Variants in CLUL1 observed in about 807,000 individuals in gnomAD.
CLUL1 encodes the protein clusterin-like protein 1.
In CLUL1, 43 loss-of-function variants were observed where a neutral mutation model predicts 49.4. That is an observed-to-expected ratio of 0.87 (90% CI 0.68 to 1.12). The LOEUF (loss-of-function observed/expected upper bound fraction) is 1.12, where lower values mean the gene tolerates loss of function less well. Ranked by LOEUF, CLUL1 falls within the 50% of genes most tolerant of loss-of-function variation. The probability of loss-of-function intolerance (pLI) is 0.00; values close to 1 mark genes in which losing one functional copy is unlikely to be tolerated. For missense variants in CLUL1, 486 were observed against 544.4 expected, an observed-to-expected ratio of 0.89 and a Z score of 1.07; for synonymous variants, 192 against 184.9, an observed-to-expected ratio of 1.04 and a Z score of -0.31.
At chr18:597,354 AT>A (rs927259488) in intron 1 of CLUL1, among the ~76,000 whole-genome samples, 1 of 152,194 alleles carries the variant, frequency 6.6e-6, no homozygotes, top group Non-Finnish European at 1.5e-5. Flanking sequence ...GGCTGTTCCA[AT>A]ACGTTTATTC....
chr18:602,625 T>A (rs150505439), intron 1 of CLUL1, among the ~76,000 whole-genome samples: 2 of 152,084 alleles, frequency 1.3e-5, no homozygotes, highest in Non-Finnish European at 2.9e-5. Context: ...CCTGATTCAA[T>A]AGGAAAATAA....
chr18:644,622 C>G (rs1386400037), intron 8 of CLUL1, among the ~76,000 whole-genome samples: 2 of 152,198 alleles, frequency 1.3e-5, no homozygotes, highest in Non-Finnish European at 2.9e-5. Context: ...CTCATCTATT[C>G]TCTTTTTCTG....
rs3221054 is a variant in CLUL1, at chr18:625,518, A to AACACACACAC, written c.423+519_423+528dup. ...TCAACATGCTTGCCTCCTTATGCAT[A>AACACACACAC]ACACACACACACACACACACACACA... On this transcript the variant is annotated intron_variant, in intron 5 of 9. Transcript: ENST00000692774. Among the ~76,000 whole-genome samples, 758 of 144,700 alleles carry AACACACACAC rather than the reference A, an allele frequency of 5.2e-3. 4 individuals are homozygous for AACACACACAC. Among genetic ancestry groups the AACACACACAC allele is most frequent in the African/African-American group, 0.012 (482 of 38,786 alleles). The allele number at this position is 144,700 out of a possible 152,430, so 94.9% of individuals were successfully genotyped here. A position where few individuals can be genotyped will look rare whatever the true frequency, so the allele number is the denominator to read the frequency against.
At chr18:622,330 G>A (rs2073513116) in intron 4 of CLUL1, among the ~76,000 whole-genome samples, 4 of 152,152 alleles carry the variant, frequency 2.6e-5, no homozygotes, top group Admixed American at 2.6e-4. Flanking sequence ...TTATTTGTAT[G>A]TGTTTTTAAT....
rs1358894117 is a variant in CLUL1, at chr18:606,276, C to T, written c.-135-702C>T. ...GGACGGCCACAGTCCCTCAATCCCC[C>T]TTTTCCAAGATGTGCACAGCCTGAC... On this transcript the variant is annotated intron_variant, in intron 1 of 9. Coordinates refer to ENST00000692774, the MANE Select transcript of CLUL1 (RefSeq NM_001393344.1). The surrounding 1 kb of genome is among the most constrained non-coding windows in gnomAD (Gnocchi z 4.1). Among the ~76,000 whole-genome samples, 1 of 152,132 alleles carries T rather than the reference C, an allele frequency of 6.6e-6. No homozygotes were observed. The highest frequency in any genetic ancestry group is 1.5e-5 in the Non-Finnish European group (1 of 68,014).
intron 8 of CLUL1, among the ~76,000 whole-genome samples, chr18:642,370 T>TG (rs1387616687): frequency 6.6e-6 from 1 of 152,134 alleles, no homozygotes; most frequent in African/African-American, 2.4e-5. Context: ...AGGCAGAGGT[T>TG]GCAGTGAGCT....
chr18:643,382 T>C (rs1014612746), intron 8 of CLUL1, among the ~76,000 whole-genome samples: 1 of 152,238 alleles, frequency 6.6e-6, no homozygotes, highest in Non-Finnish European at 1.5e-5. Context: ...CTCTATTAGA[T>C]TACACTTGAG....
At chr18:638,050 G>A (rs2074207340) in intron 7 of CLUL1, among the ~76,000 whole-genome samples, 1 of 152,026 alleles carries the variant, frequency 6.6e-6, no homozygotes, top group African/African-American at 2.4e-5. Flanking sequence ...CTGCTGACTC[G>A]AGGACTCTCT....
At chr18:643,381 A>G (rs2074394854) in intron 8 of CLUL1, among the ~76,000 whole-genome samples, 1 of 152,238 alleles carries the variant, frequency 6.6e-6, no homozygotes, top group South Asian at 2.1e-4. Flanking sequence ...ACTCTATTAG[A>G]TTACACTTGA....
intron 9 of CLUL1, among the ~76,000 whole-genome samples, chr18:648,967 T>C (rs2074596911): frequency 6.6e-6 from 1 of 152,202 alleles, no homozygotes; most frequent in African/African-American, 2.4e-5. Context: ...GGCATTTCAA[T>C]TTTTAAAATC....
intron 2 of CLUL1, among the ~76,000 whole-genome samples, chr18:613,787 C>T (rs980801414): frequency 1.3e-5 from 2 of 152,138 alleles, no homozygotes; most frequent in African/African-American, 2.4e-5. Context: ...TATTGGTCTA[C>T]CTTCCAATGA....
In CLUL1 at chr18:627,334, ACAG is replaced by A; in HGVS notation, c.662_664del (p.Thr221_Asp222delinsAsn). The A allele has an allele frequency of 1.2e-6, 2 of 1,614,124 alleles. No homozygotes were observed. The highest frequency in any genetic ancestry group is 1.7e-6 in the Non-Finnish European group (2 of 1,180,004). ...TTTTCAATCACATTTCATATCAGAT[ACAG>A]ACCTAACTGAGCCTTACTTTTTTCC... On this transcript the variant is annotated inframe_deletion, in exon 6 of 10. Coordinates refer to ENST00000692774, the MANE Select transcript of CLUL1 (RefSeq NM_001393344.1).
chr18:612,978 G>T (rs533450726), intron 2 of CLUL1: 1 of 263,112 alleles, frequency 3.8e-6, no homozygotes, highest in Non-Finnish European at 7.1e-6. Flanking sequence ...AATTTGTGTA[G>T]TGCTGATCTA....
rs2072829712 is a variant in CLUL1, at chr18:601,574, G to A, written c.-136+4445G>A. On this transcript the variant is annotated intron_variant, in intron 1 of 9. Coordinates refer to ENST00000692774, the MANE Select transcript of CLUL1 (RefSeq NM_001393344.1). Reference sequence around the variant, plus strand: ...AGGCAGGAGAACTGCTTGAACCAGGGAGTCGGAGGTTGCAGTGAGCCCAGA... The same window carrying A: ...AGGCAGGAGAACTGCTTGAACCAGGAAGTCGGAGGTTGCAGTGAGCCCAGA... Among the ~76,000 whole-genome samples, 3 of 151,916 alleles carry A rather than the reference G, an allele frequency of 2.0e-5. No individual in the cohort carries two copies. The South Asian group carries it at 6.2e-4, about 32-fold the overall frequency.
chr18:640,683 C>A (rs141165357), intron 7 of CLUL1, among the ~76,000 whole-genome samples: 286 of 152,250 alleles, frequency 1.9e-3, no homozygotes, highest in African/African-American at 6.5e-3. Flanking sequence ...CATTTGCTTT[C>A]AAGGTTTTGC....
rs1030907081 is a variant in CLUL1 at position 606,969 on chromosome 18, T to G, written c.-135-9T>G. The stretch of plus-strand genomic sequence containing the variant: ...AAATTTCTTTTCTTTTTTCTTTTCT[T>G]TTCTTTAGAGTTGCGTCCCTCTCGG... On this transcript the variant is annotated splice_polypyrimidine_tract_variant and intron_variant, in intron 1 of 9. Coordinates refer to ENST00000692774, the MANE Select transcript of CLUL1 (RefSeq NM_001393344.1). The surrounding 1 kb of genome is among the most constrained non-coding windows in gnomAD (Gnocchi z 4.1). The G allele has an allele frequency of 1.6e-6, 1 of 627,672 alleles. No individual in the cohort carries two copies. The highest frequency in any genetic ancestry group is 2.8e-5 in the Admixed American group (1 of 35,394). The allele number at this position is 627,672 out of a possible 1,614,324, so 38.9% of individuals were successfully genotyped here.
At chr18:638,149 G>T (rs1380217239) in intron 7 of CLUL1, among the ~76,000 whole-genome samples, 1 of 152,138 alleles carries the variant, frequency 6.6e-6, no homozygotes, top group African/African-American at 2.4e-5. Flanking sequence ...AAATATCAAT[G>T]ATTCTCATTA....
Position 606,871 on chromosome 18 carries a change from G to A in CLUL1, c.-135-107G>A. The A allele has an allele frequency of 1.9e-6, 1 of 520,208 alleles. No homozygotes were observed. Among genetic ancestry groups the A allele is most frequent in the South Asian group, 3.1e-5 (1 of 31,898 alleles). The allele number at this position is 520,208 out of a possible 1,614,324, so 32.2% of individuals were successfully genotyped here. A position where few individuals can be genotyped will look rare whatever the true frequency, so the allele number is the denominator to read the frequency against. ...CCACCAGCACCCCCCACAAGGCAAG[G>A]CCAGTTCACCCTCAGTGCTCACTAC... On this transcript the variant is annotated intron_variant, in intron 1 of 9. Coordinates refer to ENST00000692774, the MANE Select transcript of CLUL1 (RefSeq NM_001393344.1). This position sits in a 1 kb window ranked among gnomAD's most constrained non-coding sequence, Gnocchi z 4.1.
chr18:624,487 G>A (rs1777783246), intron 4 of CLUL1, among the ~76,000 whole-genome samples: 2 of 152,116 alleles, frequency 1.3e-5, no homozygotes, highest in Non-Finnish European at 2.9e-5. Context: ...CTTTCCCCAT[G>A]CACCAGTGGA....
Sources: allele counts gnomAD v4.1 joint callset (sites outside exome capture counted in the v4.1 genomes callset), GRCh38; gene constraint gnomAD v4.1.1; non-coding constraint Gnocchi (gnomAD v3.1); transcripts MANE v1.5; gene names NCBI Gene and HGNC (gene_info 2026-07-23, HGNC 2026-07-21).